SLC14A2: variants seen among roughly 807,000 people sequenced by gnomAD.
SLC14A2 encodes solute carrier family 14 member 2, also known as urea transporter 2.
A neutral mutation model predicts 104.6 loss-of-function variants in SLC14A2; 91 were observed. The observed-to-expected ratio is 0.87, with a 90% CI of 0.73 to 1.04. SLC14A2 has a LOEUF of 1.04. Among genes scored for constraint, SLC14A2 ranks in the 50% least tolerant of loss-of-function variants. The pLI is 0.00. For synonymous variants in SLC14A2, 476 were observed against 466.4 expected, an observed-to-expected ratio of 1.02 and a Z score of -0.27; for missense variants, 1,189 against 1,156.0, an observed-to-expected ratio of 1.03 and a Z score of -0.41.
chr18:45,251,234 A>C (rs1289398812), intron 1 of SLC14A2, among the ~76,000 whole-genome samples: 5 of 152,088 alleles, frequency 3.3e-5, no homozygotes, highest in Non-Finnish European at 7.4e-5. Flanking sequence ...ATGCCTTTGC[A>C]TCCTCATAGT....
rs1555685829 is a variant in SLC14A2, at chr18:45,426,730, CACAT to C, written c.-124-56495_-124-56492del. 4.0e-5 allele frequency among the ~76,000 whole-genome samples: 6 copies of C among 150,156 alleles called. No homozygotes were observed. The East Asian group carries it at 5.9e-4, about 15-fold the overall frequency. Reference sequence around the variant, plus strand: ...ACACACACACACACACACACACACACACATACATACACGCTTAATGGAAAACCAG... The same window carrying C: ...ACACACACACACACACACACACACACACATACACGCTTAATGGAAAACCAG... On this transcript the variant is annotated intron_variant, in intron 1 of 20. Transcript: ENST00000586448.
At chr18:45,284,432 G>C (rs369205069) in intron 1 of SLC14A2, among the ~76,000 whole-genome samples, 91 of 152,210 alleles carry the variant, frequency 6.0e-4, no homozygotes, top group African/African-American at 2.1e-3. Context: ...CAATGTTTTG[G>C]CAGGCGCTGT....
At chr18:45,394,561 G>A (rs183434102) in intron 1 of SLC14A2, among the ~76,000 whole-genome samples, 12 of 152,262 alleles carry the variant, frequency 7.9e-5, no homozygotes, top group Admixed American at 5.9e-4. Context: ...GCTAACAGGT[G>A]TCAGGTGCTG....
At chr18:45,482,835 T>A (rs536880519) in intron 1 of SLC14A2, among the ~76,000 whole-genome samples, 2 of 152,260 alleles carry the variant, frequency 1.3e-5, no homozygotes, top group East Asian at 3.9e-4. Context: ...GGGGTGGGGA[T>A]CAAAGGGAAT....
intron 1 of SLC14A2, among the ~76,000 whole-genome samples, chr18:45,396,167 TTA>T (rs1331160859): frequency 6.6e-6 from 1 of 152,216 alleles, no homozygotes; most frequent in Non-Finnish European, 1.5e-5. Flanking sequence ...GTTCAGATCT[TTA>T]TGTTTATCCT....
intron 2 of SLC14A2, among the ~76,000 whole-genome samples, chr18:45,503,155 A>C (rs928556610): frequency 6.6e-6 from 1 of 152,124 alleles, no homozygotes; most frequent in African/African-American, 2.4e-5. Context: ...TGCTTCTTTT[A>C]GGTCAGATTG....
chr18:45,207,800 T>TA, the SLC14A2 span, among the ~76,000 whole-genome samples: 4,687 of 151,840 alleles, frequency 0.031, 96 homozygotes, highest in Middle Eastern at 0.037. Context: ...GCATTTTTTT[T>TA]AAAAAAAAGC....
intron 1 of SLC14A2, among the ~76,000 whole-genome samples, chr18:45,471,202 A>T (rs2087242045): frequency 6.6e-6 from 1 of 152,104 alleles, no homozygotes; most frequent in South Asian, 2.1e-4. Context: ...ACTGTTTCTT[A>T]TTTGTTCTTA....
the SLC14A2 span, among the ~76,000 whole-genome samples, chr18:45,184,098 G>A: frequency 4.0e-5 from 6 of 151,614 alleles, no homozygotes; most frequent in Admixed American, 2.6e-4. Context: ...CTACACATGT[G>A]TGCAATATTT....
intron 1 of SLC14A2, among the ~76,000 whole-genome samples, chr18:45,443,117 G>C (rs1385150853): frequency 6.6e-6 from 1 of 152,192 alleles, no homozygotes; most frequent in Non-Finnish European, 1.5e-5. Flanking sequence ...AGTTTCCCCA[G>C]TATATTAGTT....
At position 45,391,702 on chromosome 18, in the gene SLC14A2, C is replaced by T. The variant is rs529126936; in HGVS notation, c.-124-91531C>T. 1.2e-3 allele frequency among the ~76,000 whole-genome samples: 180 copies of T among 152,256 alleles called. 1 individual carries two copies. The highest frequency in any genetic ancestry group is 3.6e-3 in the African/African-American group (148 of 41,554). On this transcript the variant is annotated intron_variant, in intron 1 of 20. Coordinates refer to the SLC14A2 transcript ENST00000586448. ...TGATGATGAGCATTTTTTCATGTGT[C>T]TTTTGGCTGTATAAATGTCTTCTTT...
intron 1 of SLC14A2, among the ~76,000 whole-genome samples, chr18:45,327,805 G>A (rs1334040930): frequency 1.3e-5 from 2 of 152,296 alleles, no homozygotes; most frequent in Admixed American, 6.5e-5. Flanking sequence ...TTGGTTGGGT[G>A]TGATGTATAT....
intron 1 of SLC14A2, among the ~76,000 whole-genome samples, chr18:45,350,782 C>T (rs2085495777): frequency 6.7e-6 from 1 of 150,244 alleles, no homozygotes; most frequent in Admixed American, 6.6e-5. Context: ...AAAAAAAAAG[C>T]TCCCTGAGAC....
At chr18:45,528,275 A>G (rs956813367) in intron 2 of SLC14A2, 1 of 151,598 alleles carries the variant, frequency 6.6e-6, no homozygotes, top group African/African-American at 2.4e-5. Context: ...AGGGCATAAC[A>G]TCGTTCTAGA....
intron 8 of SLC14A2, among the ~76,000 whole-genome samples, chr18:45,642,007 G>T (rs1306091746): frequency 1.3e-5 from 2 of 152,100 alleles, no homozygotes; most frequent in Admixed American, 6.5e-5. Context: ...AGCCTGCCTG[G>T]CCCATTTTAC....
intron 2 of SLC14A2, among the ~76,000 whole-genome samples, chr18:45,545,539 A>C (rs1441222948): frequency 6.6e-6 from 1 of 152,236 alleles, no homozygotes; most frequent in Non-Finnish European, 1.5e-5. Flanking sequence ...AGGCTCCCAC[A>C]GGAAAACCAC....
At chr18:45,613,576 G>A (rs2045008954), upstream of SLC14A2, among the ~76,000 whole-genome samples, 1 of 152,216 alleles carries the variant, frequency 6.6e-6, no homozygotes, top group Non-Finnish European at 1.5e-5. Context: ...CCAGGCAGAG[G>A]TGGTCTCAAA....
At chr18:45,362,163 G>A (rs1000071877) in intron 1 of SLC14A2, among the ~76,000 whole-genome samples, 2 of 152,232 alleles carry the variant, frequency 1.3e-5, no homozygotes, top group African/African-American at 4.8e-5. Flanking sequence ...AGCTTATGAA[G>A]AAGGTACTTG....
intron 18 of SLC14A2, among the ~76,000 whole-genome samples, chr18:45,674,522 G>A (rs1042468738): frequency 6.6e-6 from 1 of 151,738 alleles, no homozygotes; most frequent in Admixed American, 6.6e-5. Context: ...AACAAGATAC[G>A]AAGGGTAAAG....
Sources: allele counts gnomAD v4.1 joint callset (sites outside exome capture counted in the v4.1 genomes callset), GRCh38; gene constraint gnomAD v4.1.1; transcripts MANE v1.5; gene names NCBI Gene and HGNC (gene_info 2026-07-23, HGNC 2026-07-21).